The following BARD1 variants were observed in gnomAD, a reference collection of about 807,000 sequenced individuals.
BARD1 encodes the protein BRCA1 associated RING domain 1, also known as BRCA1-associated RING domain protein 1.
Under a neutral mutation model 77.0 loss-of-function variants are expected in BARD1, and 73 were observed. That is an observed-to-expected ratio of 0.95 (90% CI 0.79 to 1.15). BARD1 has a LOEUF of 1.15. BARD1 is among the 50% of genes most tolerant of loss of function. BARD1 has a pLI of 0.00. For synonymous variants in BARD1, 384 were observed against 338.0 expected (o/e 1.14, Z -1.49); for missense variants, 993 against 938.8 (o/e 1.06, Z -0.75).
rs587780032 is a variant in BARD1 at position 214,809,516 on chromosome 2, G to A, written c.54C>T (p.Asn18=). ...RNRQPRIRSG[N]EPRSAPAMEP... Reference sequence around the variant, plus strand: ...CCATGGCGGGCGCGGAACGAGGCTCGTTCCCGGAGCGGATCCTCGGCTGCC... The same window carrying A: ...CCATGGCGGGCGCGGAACGAGGCTCATTCCCGGAGCGGATCCTCGGCTGCC... The change falls in exon 1 of 11, where the codon AAC becomes AAT. Residue 18 remains asparagine (N), a synonymous_variant. Coordinates refer to ENST00000260947, the MANE Select transcript of BARD1 (RefSeq NM_000465.4). 2.5e-6 allele frequency: 4 copies of A among 1,596,360 alleles called. No individual in the cohort carries two copies. Among genetic ancestry groups the A allele is most frequent in the Non-Finnish European group, 3.4e-6 (4 of 1,173,300 alleles).
Position 214,725,906 on chromosome 2 carries a change from G to A in BARD1, c.*2770C>T, listed in dbSNP as rs1692065524. ...TAATGCATTTTCCACACTGACCCAT[G>A]GAAACAATAACAGCTAATGTGGCCC... On this transcript the variant is annotated 3_prime_UTR_variant, in exon 11 of 11. Transcript: ENST00000260947. 1 of 225,294 alleles carries A rather than the reference G, an allele frequency of 4.4e-6. No individual in the cohort carries two copies. The highest frequency in any genetic ancestry group is 2.2e-5 in the African/African-American group (1 of 44,948). 14.0% of individuals were successfully genotyped at this position (225,294 alleles called of 1,614,324 possible). A position where few individuals can be genotyped will look rare whatever the true frequency, so the allele number is the denominator to read the frequency against.
rs879253984 is a variant in BARD1, at chr2:214,781,114, T to G, written c.760A>C (p.Ile254Leu). Residue 254 changes from isoleucine to leucine, a missense_variant, in exon 4 of 11, where the codon ATA becomes CTA. By Grantham distance (5) the Ile-to-Leu change is conservative (BLOSUM62 2). Transcript: ENST00000260947. ...SQPSVISSPQ[I>L]NGEIDLLASG... Reference sequence around the variant, plus strand: ...GCTAGTAAGTCTATTTCACCATTTATCTGAGGACTGGAGATAACAGATGGT... The same window carrying G: ...GCTAGTAAGTCTATTTCACCATTTAGCTGAGGACTGGAGATAACAGATGGT... 2.5e-6 allele frequency: 4 copies of G among 1,580,954 alleles called. No homozygotes were observed. Among genetic ancestry groups the G allele is most frequent in the African/African-American group, 1.4e-5 (1 of 73,388 alleles).
rs1204012664 is a variant in BARD1, at chr2:214,726,776, C to T, written c.*1900G>A. The T allele has an allele frequency of 4.4e-6, 1 of 224,784 alleles. No individual in the cohort carries two copies. The highest frequency in any genetic ancestry group is 2.2e-5 in the African/African-American group (1 of 44,820). The allele number at this position is 224,784 out of a possible 1,614,324, so 13.9% of individuals were successfully genotyped here. A position where few individuals can be genotyped will look rare whatever the true frequency, so the allele number is the denominator to read the frequency against. On this transcript the variant is annotated 3_prime_UTR_variant, in exon 11 of 11. Coordinates refer to ENST00000260947, the MANE Select transcript of BARD1 (RefSeq NM_000465.4). Reference sequence around the variant, plus strand: ...GAGCTTAACACAAACTAACTGCTGTCAAATATTTAACAAAAGCAAAGATGA... The same window carrying T: ...GAGCTTAACACAAACTAACTGCTGTTAAATATTTAACAAAAGCAAAGATGA...
intron 3 of BARD1, among the ~76,000 whole-genome samples, chr2:214,784,687 C>T (rs1253229258): frequency 2.6e-5 from 4 of 152,142 alleles, no homozygotes; most frequent in African/African-American, 9.7e-5. Flanking sequence ...CCATGGAATA[C>T]TATACACCCA....
At chr2:214,783,267 G>A (rs917835338) in intron 3 of BARD1, among the ~76,000 whole-genome samples, 10 of 152,126 alleles carry the variant, frequency 6.6e-5, no homozygotes, top group Admixed American at 2.0e-4. Flanking sequence ...AGGGGCAACT[G>A]TAGTAAGTTT....
rs1057520238 is a variant in BARD1 at position 214,745,828 on chromosome 2, T to C, written c.1704A>G (p.Gly568=). ...SVMNTGQRRD[G]PLVLIGSGLS... is the part of the protein sequence containing the mutation. The stretch of plus-strand genomic sequence containing the variant: ...GCCCACTGCCTATAAGTACAAGAGG[T>C]CCATCCCTACGCTGCCCAGTGTTCA... Residue 568 remains glycine, a synonymous_variant, in exon 8 of 11, where the codon GGA becomes GGG. Coordinates refer to ENST00000260947, the MANE Select transcript of BARD1 (RefSeq NM_000465.4). The C allele has an allele frequency of 1.9e-6, 3 of 1,613,866 alleles. No homozygotes were observed. Among genetic ancestry groups the C allele is most frequent in the Non-Finnish European group, 2.5e-6 (3 of 1,179,968 alleles).
chr2:214,789,689 G>T lies in BARD1; in HGVS notation c.364+2608C>A, dbSNP rs149341848. The stretch of plus-strand genomic sequence containing the variant: ...AAAAGTTGTGTAAAATAGAAAAACA[G>T]TAAGAAATTTACAACACAACTGCCC... On this transcript the variant is annotated intron_variant, in intron 3 of 10. Coordinates refer to ENST00000260947, the MANE Select transcript of BARD1 (RefSeq NM_000465.4). 3.9e-3 allele frequency among the ~76,000 whole-genome samples: 598 copies of T among 152,140 alleles called. 3 individuals are homozygous for T. The highest frequency in any genetic ancestry group is 0.013 in the African/African-American group (558 of 41,512).
At position 214,770,732 on chromosome 2, in the gene BARD1, CA is replaced by C. The variant is rs887287329; in HGVS notation, c.1315-1421del. Among the ~76,000 whole-genome samples, 3 of 151,718 alleles carry C rather than the reference CA, an allele frequency of 2.0e-5. No individual in the cohort carries two copies. In the South Asian group the frequency reaches 6.2e-4, roughly 32 times the overall value. On this transcript the variant is annotated intron_variant, in intron 4 of 10. Transcript: ENST00000260947. ...ACTTTAAAGCTGTCTTGAAGTAAGA[CA>C]AAAAAAATAGCTTCCCTCTGCTGCC...
chr2:214,780,593 T>A lies in BARD1; in HGVS notation c.1281A>T (p.Arg427Ser). 1 of 1,614,040 alleles carries A rather than the reference T, an allele frequency of 6.2e-7. No individual in the cohort carries two copies. The highest frequency in any genetic ancestry group is 8.5e-7 in the Non-Finnish European group (1 of 1,179,942). Residue 427 changes from arginine (R) to serine (S), a missense_variant, in exon 4 of 11, where the codon AGA becomes AGT. Arg to Ser is a moderately radical substitution (Grantham distance 110). Coordinates refer to ENST00000260947, the MANE Select transcript of BARD1 (RefSeq NM_000465.4). ...AAGCAATATGGAGCAAAGTCTCTCCTCTATGATTTCTTTTCACAGCCATAT... is the reference window on the plus strand; with the variant it reads ...AAGCAATATGGAGCAAAGTCTCTCCACTATGATTTCTTTTCACAGCCATAT... ...LPNMAVKRNHRGETLLHIASI... is the reference protein window; with the variant it reads ...LPNMAVKRNHSGETLLHIASI...
At chr2:214,732,243 T>C (rs968250664) in intron 9 of BARD1, among the ~76,000 whole-genome samples, 1 of 152,200 alleles carries the variant, frequency 6.6e-6, no homozygotes, top group Non-Finnish European at 1.5e-5. Context: ...GTAAACTGCA[T>C]ATGCCTGCAA....
chr2:214,784,918 C>G (rs1008243698), intron 3 of BARD1, among the ~76,000 whole-genome samples: 3 of 151,926 alleles, frequency 2.0e-5, no homozygotes, highest in African/African-American at 7.3e-5. Context: ...GGAGAAATAC[C>G]TAATGTACAT....
intron 4 of BARD1, among the ~76,000 whole-genome samples, chr2:214,776,585 C>T (rs1402694619): frequency 1.3e-5 from 2 of 152,148 alleles, no homozygotes; most frequent in Non-Finnish European, 2.9e-5. Flanking sequence ...ATTTTGATTT[C>T]GGTCAGATTA....
At chr2:214,772,267 A>T (rs528431490) in intron 4 of BARD1, among the ~76,000 whole-genome samples, 6 of 152,282 alleles carry the variant, frequency 3.9e-5, no homozygotes, top group Non-Finnish European at 1.5e-5. Flanking sequence ...CTTTATATTC[A>T]TAACGGTTAC....
At chr2:214,745,322 T>C (rs1294451265) in intron 8 of BARD1, among the ~76,000 whole-genome samples, 163 bp from the exon 9 acceptor site, 1 of 152,208 alleles carries the variant, frequency 6.6e-6, no homozygotes, top group Non-Finnish European at 1.5e-5. Context: ...AGTATCTAGT[T>C]CTCTAACCTG....
Position 214,745,804 on chromosome 2 carries a change from C to T in BARD1, c.1728G>A (p.Gly576=), listed in dbSNP as rs1281227184. 2 of 1,613,932 alleles carry T rather than the reference C, an allele frequency of 1.2e-6. No individual in the cohort carries two copies. The highest frequency in any genetic ancestry group is 1.7e-6 in the Non-Finnish European group (2 of 1,179,910). Residue 576 remains glycine, a synonymous_variant, in exon 8 of 11, where the codon GGG becomes GGA. Transcript: ENST00000260947. Reference sequence around the variant, plus strand: ...GCATTTTCTGTTGTTCTGAAGACAGCCCACTGCCTATAAGTACAAGAGGTC... The same window carrying T: ...GCATTTTCTGTTGTTCTGAAGACAGTCCACTGCCTATAAGTACAAGAGGTC... ...RDGPLVLIGS[G]LSSEQQKMLS... is the part of the protein sequence containing the mutation.
In BARD1 at chr2:214,781,312, G is replaced by T. The variant is rs373249008; in HGVS notation, c.562C>A (p.Pro188Thr). Reference sequence around the variant, plus strand: ...TTAGCCCTCTCAGAAACATCTGCAGGAGGACTTGGGGAAACAAATTCATAT... The same window carrying T: ...TTAGCCCTCTCAGAAACATCTGCAGTAGGACTTGGGGAAACAAATTCATAT... ...DSYEFVSPSP[P>T]ADVSERAKKA... is the part of the protein sequence containing the mutation. The change falls in exon 4 of 11, where the codon CCT becomes ACT. Residue 188 changes from proline to threonine, a missense_variant. Physicochemically the swap from Pro to Thr is conservative, Grantham distance 38. Transcript: ENST00000260947. 1 of 1,611,936 alleles carries T rather than the reference G, an allele frequency of 6.2e-7. No individual in the cohort carries two copies. The highest frequency in any genetic ancestry group is 8.5e-7 in the Non-Finnish European group (1 of 1,179,592).
At chr2:214,759,915 A>G (rs896697950) in intron 6 of BARD1, among the ~76,000 whole-genome samples, 1 of 152,188 alleles carries the variant, frequency 6.6e-6, no homozygotes, top group Admixed American at 6.5e-5. Context: ...GCCTTGCCTT[A>G]TAAGGTTTCA....
chr2:214,750,913 C>G (rs949485511), intron 7 of BARD1, among the ~76,000 whole-genome samples: 1 of 151,702 alleles, frequency 6.6e-6, no homozygotes, highest in Non-Finnish European at 1.5e-5. Flanking sequence ...CTAAATTAAG[C>G]AAATGCAGAG....
At chr2:214,740,764 G>C (rs6709845) in intron 9 of BARD1, among the ~76,000 whole-genome samples, 5,200 of 151,898 alleles carry the variant, frequency 0.034, 286 homozygotes, top group African/African-American at 0.12. Context: ...TCTTTCATCT[G>C]TATTTCTTGC....
Sources: allele counts gnomAD v4.1 joint callset (sites outside exome capture counted in the v4.1 genomes callset), GRCh38; gene constraint gnomAD v4.1.1; transcripts MANE v1.5; gene names NCBI Gene and HGNC (gene_info 2026-07-23, HGNC 2026-07-21).